FSTL4: variants seen among roughly 807,000 people sequenced by gnomAD.
FSTL4 encodes the protein follistatin like 4.
In FSTL4, 28 loss-of-function variants were observed where a neutral mutation model predicts 78.2. The ratio of observed to expected loss-of-function variants is 0.36; its 90% CI spans 0.27 to 0.49. The LOEUF is 0.49. Ranked by LOEUF, FSTL4 falls within the 20% of genes least tolerant of loss-of-function variation. The pLI, the probability that FSTL4 is intolerant of heterozygous loss-of-function variation, is 0.98. For synonymous variants in FSTL4, 422 were observed against 440.5 expected (o/e 0.96, Z 0.53); for missense variants, 922 against 1,084.9 (o/e 0.85, Z 2.11).
intron 2 of FSTL4, among the ~76,000 whole-genome samples, chr5:133,592,137 C>T (rs1209216448): frequency 2.0e-5 from 3 of 152,196 alleles, no homozygotes; most frequent in African/African-American, 7.2e-5. Context: ...CCAAGTACCT[C>T]TGCCTCCAAG....
chr5:133,612,756 C>T (rs547962723), upstream of FSTL4, among the ~76,000 whole-genome samples: 9 of 152,238 alleles, frequency 5.9e-5, no homozygotes, highest in South Asian at 1.0e-3. This position sits in a 1 kb window ranked among gnomAD's most constrained non-coding sequence, Gnocchi z 6.2. Flanking sequence ...GCGCTCCTGC[C>T]TCTGGCTAGC....
At chr5:133,515,621 A>C (rs1758836527) in intron 3 of FSTL4, among the ~76,000 whole-genome samples, 1 of 152,166 alleles carries the variant, frequency 6.6e-6, no homozygotes, top group Non-Finnish European at 1.5e-5. Flanking sequence ...TAAATAGGTT[A>C]AATCTTCCTG....
intron 3 of FSTL4, among the ~76,000 whole-genome samples, chr5:133,434,383 T>C (rs564616893): frequency 6.6e-6 from 1 of 152,360 alleles, no homozygotes; most frequent in East Asian, 1.9e-4. Flanking sequence ...AAAATTGGAA[T>C]CTGGAAGTAG....
intron 3 of FSTL4, among the ~76,000 whole-genome samples, chr5:133,494,168 C>T (rs1270921428): frequency 6.6e-6 from 1 of 152,140 alleles, no homozygotes; most frequent in Non-Finnish European, 1.5e-5. Context: ...AGAAGTTAAA[C>T]ACACCTACTG....
intron 3 of FSTL4, among the ~76,000 whole-genome samples, chr5:133,557,104 GAACCCA>G (rs1189970143): frequency 6.6e-6 from 1 of 152,220 alleles, no homozygotes; most frequent in Non-Finnish European, 1.5e-5. Context: ...CAAGGTGAAA[GAACCCA>G]ATCGCTGGAG....
chr5:133,594,582 T>C (rs1004848479), intron 2 of FSTL4, among the ~76,000 whole-genome samples: 6 of 152,186 alleles, frequency 3.9e-5, no homozygotes, highest in African/African-American at 1.4e-4. Context: ...GGAGGCACCA[T>C]GGGGCATATT....
chr5:133,344,968 CTTTT>C (rs751778816), intron 4 of FSTL4, among the ~76,000 whole-genome samples: 1 of 134,244 alleles, frequency 7.4e-6, no homozygotes, highest in Non-Finnish European at 1.6e-5. Flanking sequence ...CATGCCCCCA[CTTTT>C]TTTTTTTTTT....
chr5:133,518,025 C>G (rs1170053058), intron 3 of FSTL4, among the ~76,000 whole-genome samples: 1 of 152,218 alleles, frequency 6.6e-6, no homozygotes, highest in Non-Finnish European at 1.5e-5. Context: ...AGAATAATGT[C>G]TGACCAAATA....
At chr5:133,606,894 G>C (rs1760989127) in intron 1 of FSTL4, among the ~76,000 whole-genome samples, 1 of 152,220 alleles carries the variant, frequency 6.6e-6, no homozygotes, top group South Asian at 2.1e-4. Context: ...TTTCAACTGT[G>C]ATTTTGGCAA....
At chr5:133,439,012 A>G (rs1757094202) in intron 3 of FSTL4, among the ~76,000 whole-genome samples, 1 of 152,226 alleles carries the variant, frequency 6.6e-6, no homozygotes, top group Non-Finnish European at 1.5e-5. Context: ...GTACCTGTGA[A>G]GTCACATTGT....
intron 3 of FSTL4, among the ~76,000 whole-genome samples, chr5:133,541,051 G>C (rs897834200): frequency 1.3e-5 from 2 of 152,132 alleles, no homozygotes; most frequent in Non-Finnish European, 2.9e-5. Flanking sequence ...CCAAAGTCAG[G>C]TGTTTTGAGG....
chr5:133,412,150 T>G (rs1465605195), intron 3 of FSTL4, among the ~76,000 whole-genome samples: 1 of 152,104 alleles, frequency 6.6e-6, no homozygotes, highest in Non-Finnish European at 1.5e-5. Flanking sequence ...TGAAATGATC[T>G]TAAAAAGTTC....
chr5:133,240,062 A>C (rs1751793088), intron 7 of FSTL4, among the ~76,000 whole-genome samples: 2 of 151,956 alleles, frequency 1.3e-5, no homozygotes, highest in African/African-American at 2.4e-5. Context: ...GCTGCTGCTC[A>C]CTCTTTAGGT....
chr5:133,372,245 C>CTATGTATCTATGTATCTATGTATCTATG (rs757202475), intron 4 of FSTL4, among the ~76,000 whole-genome samples: 2 of 140,122 alleles, frequency 1.4e-5, no homozygotes, highest in Non-Finnish European at 3.1e-5. Context: ...ATCTATGTAT[C>CTATGTATCTATGTATCTATGTATCTATG]TATGTATGTA....
At chr5:133,351,897 T>A (rs1253654681) in intron 4 of FSTL4, among the ~76,000 whole-genome samples, 1 of 152,200 alleles carries the variant, frequency 6.6e-6, no homozygotes, top group Non-Finnish European at 1.5e-5. Flanking sequence ...TGTAAGCCAC[T>A]GCACCTGGCC....
chr5:133,501,284 AAAAGC>A, intron 3 of FSTL4, among the ~76,000 whole-genome samples: 1 of 152,342 alleles, frequency 6.6e-6, no homozygotes, highest in South Asian at 2.1e-4. Flanking sequence ...AAAAAAAATA[AAAAGC>A]AAAAGCAAAC....
At chr5:133,694,235 G>A in the FSTL4 span, among the ~76,000 whole-genome samples, 6 of 152,194 alleles carry the variant, frequency 3.9e-5, no homozygotes, top group Non-Finnish European at 7.3e-5. Context: ...CCTCCAAAGG[G>A]TGCTGCCTCT....
rs556286916 is a variant in FSTL4 at position 133,377,839 on chromosome 5, C to T, written c.409+22899G>A. Among the ~76,000 whole-genome samples, 9 of 152,140 alleles carry T rather than the reference C, an allele frequency of 5.9e-5. No homozygotes were observed. In the South Asian group the frequency reaches 1.7e-3, roughly 28 times the overall value. On this transcript the variant is annotated intron_variant, in intron 4 of 15. Coordinates refer to ENST00000265342, the MANE Select transcript of FSTL4 (RefSeq NM_015082.2). ...GAAGATATACACAGAGATCCAGGTGCACTCTACTAAAAATATAGAAAACAA... is the reference window on the plus strand; with the variant it reads ...GAAGATATACACAGAGATCCAGGTGTACTCTACTAAAAATATAGAAAACAA...
chr5:133,290,101 G>A (rs998713202), intron 6 of FSTL4, among the ~76,000 whole-genome samples: 1 of 152,198 alleles, frequency 6.6e-6, no homozygotes. Flanking sequence ...AATCTGTTAG[G>A]CAGCTGCCCA....
Sources: allele counts gnomAD v4.1 joint callset (sites outside exome capture counted in the v4.1 genomes callset), GRCh38; gene constraint gnomAD v4.1.1; non-coding constraint Gnocchi (gnomAD v3.1); transcripts MANE v1.5; gene names NCBI Gene and HGNC (gene_info 2026-07-23, HGNC 2026-07-21).